Variants in MRC1 observed in about 807,000 individuals in gnomAD.
The protein encoded by MRC1 is mannose receptor C-type 1.
In MRC1, 62 loss-of-function variants were observed where a neutral mutation model predicts 102.9. The ratio of observed to expected loss-of-function variants is 0.60; its 90% CI spans 0.49 to 0.74. MRC1 has a LOEUF of 0.74. MRC1 is among the 30% of genes least tolerant of loss of function. The pLI is 0.00. For synonymous variants in MRC1, 457 were observed against 298.4 expected, an observed-to-expected ratio of 1.53 and a Z score of -5.48; for missense variants, 1,237 against 862.8, an observed-to-expected ratio of 1.43 and a Z score of -5.43.
At chr10:17,905,107 T>C (rs1833878823) in intron 26 of MRC1, among the ~76,000 whole-genome samples, 1 of 152,164 alleles carries the variant, frequency 6.6e-6, no homozygotes, top group Non-Finnish European at 1.5e-5. Flanking sequence ...GGTCAAGTAA[T>C]GGAGATTCTC....
At chr10:17,903,564 T>A (rs1035605182) in intron 26 of MRC1, among the ~76,000 whole-genome samples, 5 of 151,790 alleles carry the variant, frequency 3.3e-5, no homozygotes, top group African/African-American at 9.7e-5. Flanking sequence ...CCCAGCTAAT[T>A]TTTGTATTTT....
At chr10:17,831,367 C>G (rs1470643564) in intron 3 of MRC1, among the ~76,000 whole-genome samples, 1 of 151,336 alleles carries the variant, frequency 6.6e-6, no homozygotes, top group African/African-American at 2.5e-5. Flanking sequence ...ATTACTGATT[C>G]AAATTTATTT....
intron 3 of MRC1, among the ~76,000 whole-genome samples, chr10:17,831,303 C>T (rs961849489): frequency 1.9e-4 from 28 of 151,262 alleles, no homozygotes; most frequent in Non-Finnish European, 2.9e-4. Flanking sequence ...AATGGTCTCA[C>T]CGACATACAC....
In MRC1 at chr10:17,872,113, C is replaced by G. The variant is rs1234622161; in HGVS notation, c.2331C>G (p.Cys777Trp). The part of the protein sequence containing the change: ...INCEHLNNWI[C>W]QIQKGQTPKP... ...GTGAACACCTTAACAACTGGATTTGCCAGATACAAAAAGGTATGATCACCT... is the reference window on the plus strand; with the variant it reads ...GTGAACACCTTAACAACTGGATTTGGCAGATACAAAAAGGTATGATCACCT... The change falls in exon 15 of 30, where the codon TGC becomes TGG. Residue 777 changes from cysteine (C) to tryptophan (W), a missense_variant. Transcript: ENST00000569591. 1.3e-6 allele frequency: 1 copy of G among 780,380 alleles called. No individual in the cohort carries two copies. The highest frequency in any genetic ancestry group is 2.4e-6 in the Non-Finnish European group (1 of 417,746). 48.3% of individuals were successfully genotyped at this position (780,380 alleles called of 1,614,324 possible). A position where few individuals can be genotyped will look rare whatever the true frequency, so the allele number is the denominator to read the frequency against.
intron 2 of MRC1, among the ~76,000 whole-genome samples, chr10:17,824,000 T>C (rs1838436848): frequency 6.6e-6 from 1 of 152,238 alleles, no homozygotes; most frequent in Non-Finnish European, 1.5e-5. Context: ...ATTTAGAGAC[T>C]GTAATAATCA....
intron 4 of MRC1, among the ~76,000 whole-genome samples, 160 bp downstream of exon 4, chr10:17,833,999 C>T (rs1336649020): frequency 6.6e-6 from 1 of 152,180 alleles, no homozygotes; most frequent in Non-Finnish European, 1.5e-5. Context: ...GAAAATGACA[C>T]CAGGGATGGC....
intron 3 of MRC1, among the ~76,000 whole-genome samples, chr10:17,833,030 C>T: frequency 6.7e-6 from 1 of 149,682 alleles, no homozygotes; most frequent in Non-Finnish European, 1.5e-5. Flanking sequence ...CACCCTCCCA[C>T]CTTTTGTAGT....
intron 1 of MRC1, among the ~76,000 whole-genome samples, chr10:17,820,338 G>A (rs916692841): frequency 0.02 from 2,991 of 152,116 alleles, 115 homozygotes; most frequent in African/African-American, 0.068. Flanking sequence ...TATAGATCTC[G>A]GGGGATGGTG....
chr10:17,873,845 C>T lies in MRC1; in HGVS notation c.2386+20C>T. ...AAGACAGTAGGTGTTTTCTTATTTT[C>T]TGATCTCTGTACTGATAACCCTTTC... On this transcript the variant is annotated intron_variant, in intron 16 of 29. Coordinates refer to ENST00000569591, the MANE Select transcript of MRC1 (RefSeq NM_002438.4). 1.1e-6 allele frequency: 1 copy of T among 872,418 alleles called. No homozygotes were observed. 54.0% of individuals were successfully genotyped at this position (872,418 alleles called of 1,614,324 possible).
chr10:17,882,127 A>G (rs970156672), intron 21 of MRC1, among the ~76,000 whole-genome samples: 3 of 152,032 alleles, frequency 2.0e-5, no homozygotes, highest in Admixed American at 2.0e-4. Flanking sequence ...TGAAATAGGT[A>G]TTAGGTTAAA....
chr10:17,871,975 A>G lies in MRC1; in HGVS notation c.2200-7A>G. Reference sequence around the variant, plus strand: ...TTAATGGTTGTAGTTTAATGTTTCTAATATAGGTTTCATATGAAAACTGGG... The same window carrying G: ...TTAATGGTTGTAGTTTAATGTTTCTGATATAGGTTTCATATGAAAACTGGG... On this transcript the variant is annotated splice_region_variant and splice_polypyrimidine_tract_variant and intron_variant, in intron 14 of 29. Transcript: ENST00000569591. 1 of 780,370 alleles carries G rather than the reference A, an allele frequency of 1.3e-6. No individual in the cohort carries two copies. The highest frequency in any genetic ancestry group is 2.4e-6 in the Non-Finnish European group (1 of 417,712). 48.3% of individuals were successfully genotyped at this position (780,370 alleles called of 1,614,324 possible).
At chr10:17,836,861 T>A (rs2477651) in intron 4 of MRC1, among the ~76,000 whole-genome samples, 83,450 of 151,264 alleles carry the variant, frequency 0.55, 23,593 homozygotes, top group African/African-American at 0.67. Flanking sequence ...AATAAAAATT[T>A]AAAAAAAAAG....
At chr10:17,869,805 TAACA>T (rs1404056962) in intron 12 of MRC1, among the ~76,000 whole-genome samples, 1 of 152,226 alleles carries the variant, frequency 6.6e-6, no homozygotes, top group Non-Finnish European at 1.5e-5. Flanking sequence ...CTGAACACAC[TAACA>T]AACTGTGCAC....
chr10:17,810,008 T>G (rs551589148), intron 1 of MRC1, among the ~76,000 whole-genome samples: 8 of 152,282 alleles, frequency 5.3e-5, no homozygotes, highest in African/African-American at 1.9e-4. Flanking sequence ...AAAGAGATTC[T>G]AAGCAATTTC....
rs1413423128 is a variant in MRC1, at chr10:17,813,596, GCTAA to G, written c.61+4073_61+4076del. Among the ~76,000 whole-genome samples the G allele has an allele frequency of 1.7e-4, 25 of 148,814 alleles. 2 individuals carry two copies. In the Middle Eastern group the frequency reaches 0.029, roughly 171 times the overall value. ...TCAGTGTTTGTATCTAGAAGGCTGA[GCTAA>G]CTTTTATGCTTTGGAACATAGGGCT... is the stretch of plus-strand genomic sequence containing the variant. On this transcript the variant is annotated intron_variant, in intron 1 of 29. Coordinates refer to ENST00000569591, the MANE Select transcript of MRC1 (RefSeq NM_002438.4).
rs900258530 is a variant in MRC1, at chr10:17,855,022, C to T, written c.1408-1220C>T. Among the ~76,000 whole-genome samples the T allele has an allele frequency of 1.2e-3, 180 of 151,738 alleles. 1 individual carries two copies. The highest frequency in any genetic ancestry group is 4.0e-3 in the African/African-American group (167 of 41,358). On this transcript the variant is annotated intron_variant, in intron 8 of 29. Coordinates refer to ENST00000569591, the MANE Select transcript of MRC1 (RefSeq NM_002438.4). Reference sequence around the variant, plus strand: ...ACATTTTTTTCAAGATGTTTAGCAGCGAAGGGAAGGAAAGGAGAGGTCCTT... The same window carrying T: ...ACATTTTTTTCAAGATGTTTAGCAGTGAAGGGAAGGAAAGGAGAGGTCCTT...
At position 17,820,827 on chromosome 10, in the gene MRC1, A is replaced by G. The variant is rs372906156; in HGVS notation, c.62-2247A>G. On this transcript the variant is annotated intron_variant, in intron 1 of 29. Transcript: ENST00000569591. Reference sequence around the variant, plus strand: ...ATTAGAGAAGATAATTTACCTTTGCATAAAGTAAATGATCATAGTCACTGT... The same window carrying G: ...ATTAGAGAAGATAATTTACCTTTGCGTAAAGTAAATGATCATAGTCACTGT... Among the ~76,000 whole-genome samples, 889 of 152,334 alleles carry G rather than the reference A, an allele frequency of 5.8e-3. 23 individuals are homozygous for G. The highest frequency in any genetic ancestry group is 0.055 in the East Asian group (283 of 5,184).
intron 3 of MRC1, among the ~76,000 whole-genome samples, chr10:17,831,903 A>G (rs922887453): frequency 4.4e-4 from 67 of 151,788 alleles, no homozygotes; most frequent in Non-Finnish European, 6.8e-4. Flanking sequence ...TATGGAATTT[A>G]TTAGGAATCA....
chr10:17,851,377 GA>G (rs1367447227), intron 7 of MRC1, among the ~76,000 whole-genome samples: 8 of 151,570 alleles, frequency 5.3e-5, no homozygotes, highest in Admixed American at 6.6e-5. Flanking sequence ...CAAAAACCTA[GA>G]AATTTTTTTT....
Sources: allele counts gnomAD v4.1 joint callset (sites outside exome capture counted in the v4.1 genomes callset), GRCh38; gene constraint gnomAD v4.1.1; transcripts MANE v1.5; gene names NCBI Gene and HGNC (gene_info 2026-07-23, HGNC 2026-07-21).